Variants in PTPRN2 observed in about 807,000 individuals in gnomAD.
PTPRN2 encodes protein tyrosine phosphatase receptor type N2, also known as receptor-type tyrosine-protein phosphatase N2.
Under a neutral mutation model 118.8 loss-of-function variants are expected in PTPRN2, and 74 were observed. That is an observed-to-expected ratio of 0.62 (90% confidence interval 0.52 to 0.76). PTPRN2 has a LOEUF of 0.76. Ranked by LOEUF, PTPRN2 falls within the 30% of genes least tolerant of loss-of-function variation. The pLI is 0.00. For synonymous variants in PTPRN2, 641 were observed against 608.0 expected (o/e 1.05, Z -0.80); for missense variants, 1,481 against 1,394.4 (o/e 1.06, Z -0.99).
intron 11 of PTPRN2, among the ~76,000 whole-genome samples, chr7:158,075,749 A>C (rs1812304762): frequency 6.6e-6 from 1 of 152,150 alleles, no homozygotes; most frequent in Non-Finnish European, 1.5e-5. Flanking sequence ...TCTGGGTGAC[A>C]CCTCAGCCAG....
chr7:158,538,018 T>G (rs1825748858), intron 1 of PTPRN2, among the ~76,000 whole-genome samples: 1 of 152,224 alleles, frequency 6.6e-6, no homozygotes, highest in South Asian at 2.1e-4. Context: ...CTTTTTTTCA[T>G]TACTCATTTC....
At chr7:157,981,922 G>T (rs533110444) in intron 11 of PTPRN2, among the ~76,000 whole-genome samples, 3 of 152,364 alleles carry the variant, frequency 2.0e-5, no homozygotes, top group South Asian at 2.1e-4. Flanking sequence ...AGAATGTGGG[G>T]TCCCCCCAAA....
intron 6 of PTPRN2, among the ~76,000 whole-genome samples, chr7:158,148,500 C>G (rs1820450150): frequency 1.4e-5 from 2 of 138,468 alleles, no homozygotes; most frequent in African/African-American, 5.5e-5. Context: ...CGCCACGTGT[C>G]TTTCCCCCTC....
chr7:157,674,310 G>T lies in PTPRN2; in HGVS notation c.2001+8415C>A, dbSNP rs1167610511. On this transcript the variant is annotated intron_variant, in intron 13 of 22. Coordinates refer to ENST00000389418, the MANE Select transcript of PTPRN2 (RefSeq NM_002847.5). This position sits in a 1 kb window ranked among gnomAD's most constrained non-coding sequence, Gnocchi z 4.5. The stretch of plus-strand genomic sequence containing the variant: ...GAGGCCTCCCCAGGAGGCGAGGGTG[G>T]GGGGACTCCTGCTGGAGGCGGCCGG... 1.3e-5 allele frequency among the ~76,000 whole-genome samples: 2 copies of T among 152,146 alleles called. No homozygotes were observed. The highest frequency in any genetic ancestry group is 1.3e-4 in the Admixed American group (2 of 15,280).
At chr7:158,125,301 A>G (rs1180151057) in intron 9 of PTPRN2, among the ~76,000 whole-genome samples, 4 of 125,402 alleles carry the variant, frequency 3.2e-5, no homozygotes, top group African/African-American at 9.6e-5. Flanking sequence ...CCCCTGCCTC[A>G]AGTCCCTCCC....
intron 12 of PTPRN2, among the ~76,000 whole-genome samples, chr7:157,880,681 G>T (rs1387670003): frequency 1.3e-5 from 2 of 152,226 alleles, no homozygotes; most frequent in Non-Finnish European, 2.9e-5. Flanking sequence ...GCTATGGCTG[G>T]ATGGCTCAGA....
At chr7:158,021,589 C>T (rs1806874576) in intron 11 of PTPRN2, among the ~76,000 whole-genome samples, 1 of 152,004 alleles carries the variant, frequency 6.6e-6, no homozygotes, top group African/African-American at 2.4e-5. Context: ...ACTGTGAGGA[C>T]ACAGCCAGAA....
intron 2 of PTPRN2, among the ~76,000 whole-genome samples, chr7:158,460,869 G>A (rs1818935877): frequency 6.6e-6 from 1 of 152,248 alleles, no homozygotes; most frequent in Non-Finnish European, 1.5e-5. Context: ...AGTAGTTCCA[G>A]TAAAGCACAG....
At chr7:158,243,537 C>T (rs1239333543) in intron 3 of PTPRN2, among the ~76,000 whole-genome samples, 6 of 152,220 alleles carry the variant, frequency 3.9e-5, no homozygotes, top group East Asian at 1.9e-4. Flanking sequence ...GACCCCAGAA[C>T]GCTGTCCCAG....
chr7:157,682,836 G>A lies in PTPRN2; in HGVS notation c.1890C>T (p.Leu630=). The change falls in exon 13 of 23, where the codon CTC becomes CTT. Residue 630 remains leucine (L), a synonymous_variant. Coordinates refer to ENST00000389418, the MANE Select transcript of PTPRN2 (RefSeq NM_002847.5). The part of the protein sequence containing the change: ...LVSLACILGV[L]LASGLIYCLR... The stretch of plus-strand genomic sequence containing the variant: ...GGCAGTAGATGAGGCCAGAGGCCAG[G>A]AGGACGCCCAGGATGCAGGCGAGGG... 2 of 1,614,038 alleles carry A rather than the reference G, an allele frequency of 1.2e-6. No individual in the cohort carries two copies. The highest frequency in any genetic ancestry group is 1.7e-6 in the Non-Finnish European group (2 of 1,180,002).
At chr7:158,364,877 G>A (rs1809311952) in intron 2 of PTPRN2, among the ~76,000 whole-genome samples, 1 of 152,104 alleles carries the variant, frequency 6.6e-6, no homozygotes, top group Non-Finnish European at 1.5e-5. Flanking sequence ...AGAAATAACG[G>A]AACGGCATGA....
rs117513914 is a variant in PTPRN2, at chr7:157,671,380, A to G, written c.2001+11345T>C. ...GACGAGACGTCACCGCAGAGGCGGCAGAAGGGATAAAGGGGAGGTAGGGAT... is the reference window on the plus strand; with the variant it reads ...GACGAGACGTCACCGCAGAGGCGGCGGAAGGGATAAAGGGGAGGTAGGGAT... On this transcript the variant is annotated intron_variant, in intron 13 of 22. Transcript: ENST00000389418. This position sits in a 1 kb window ranked among gnomAD's most constrained non-coding sequence, Gnocchi z 4.1. 6.6e-6 allele frequency among the ~76,000 whole-genome samples: 1 copy of G among 152,302 alleles called. No individual in the cohort carries two copies. The highest frequency in any genetic ancestry group is 1.9e-4 in the East Asian group (1 of 5,160).
At position 157,632,017 on chromosome 7, in the gene PTPRN2, G is replaced by C. The variant is rs1201993118; in HGVS notation, c.2197-10508C>G. On this transcript the variant is annotated intron_variant, in intron 14 of 22. Transcript: ENST00000389418. The surrounding 1 kb of genome is among the most constrained non-coding windows in gnomAD (Gnocchi z 4.3). ...TTCCGAAGAGCAAAGGGAAAGGAAG[G>C]TTAACTCTTTGCAAAGTGGTGTGTT... Among the ~76,000 whole-genome samples, 1 of 152,196 alleles carries C rather than the reference G, an allele frequency of 6.6e-6. No individual in the cohort carries two copies. The highest frequency in any genetic ancestry group is 2.4e-5 in the African/African-American group (1 of 41,436).
At chr7:158,311,441 G>A (rs201199840) in intron 3 of PTPRN2, among the ~76,000 whole-genome samples, 1 of 151,972 alleles carries the variant, frequency 6.6e-6, no homozygotes, top group African/African-American at 2.4e-5. Flanking sequence ...TTAATGGCTT[G>A]TCAGAAAAAG....
At chr7:158,236,280 G>A (rs186368445) in intron 3 of PTPRN2, among the ~76,000 whole-genome samples, 2 of 152,294 alleles carry the variant, frequency 1.3e-5, no homozygotes, top group Non-Finnish European at 2.9e-5. Flanking sequence ...GGCAGGCAAT[G>A]TCTTCAGAGG....
At chr7:157,854,288 C>T (rs1273834206) in intron 12 of PTPRN2, among the ~76,000 whole-genome samples, 5 of 152,344 alleles carry the variant, frequency 3.3e-5, no homozygotes, top group African/African-American at 7.2e-5. Flanking sequence ...GCCTGGATAC[C>T]GTGGCTGCCT....
chr7:157,840,287 CCG>C (rs1808305195), intron 12 of PTPRN2, among the ~76,000 whole-genome samples: 1 of 131,494 alleles, frequency 7.6e-6, no homozygotes, highest in South Asian at 2.7e-4. Context: ...GACTGTGTGA[CCG>C]TGTGACTGTG....
chr7:157,829,906 C>T (rs1807441659), intron 12 of PTPRN2, among the ~76,000 whole-genome samples: 1 of 152,224 alleles, frequency 6.6e-6, no homozygotes, highest in Non-Finnish European at 1.5e-5. Flanking sequence ...AGCTGCCTGC[C>T]CTGCACCTCT....
At chr7:158,218,130 C>A (rs1205517079) in intron 3 of PTPRN2, among the ~76,000 whole-genome samples, 1 of 152,076 alleles carries the variant, frequency 6.6e-6, no homozygotes, top group Non-Finnish European at 1.5e-5. Context: ...ATCCCCAAGG[C>A]ATATGGTCAT....
Sources: allele counts gnomAD v4.1 joint callset (sites outside exome capture counted in the v4.1 genomes callset), GRCh38; gene constraint gnomAD v4.1.1; non-coding constraint Gnocchi (gnomAD v3.1); transcripts MANE v1.5; gene names NCBI Gene and HGNC (gene_info 2026-07-23, HGNC 2026-07-21).